Variants in BAIAP2L1 observed in about 807,000 individuals in gnomAD.
BAIAP2L1 encodes BAR/IMD domain-containing adapter protein 2-like 1.
BAIAP2L1 carries 35 observed loss-of-function variants against 66.3 expected under a neutral mutation model. The observed-to-expected ratio is 0.53, with a 90% CI of 0.40 to 0.70. The LOEUF (loss-of-function observed/expected upper bound fraction) is 0.70, where lower values mean the gene tolerates loss of function less well. Ranked by LOEUF, BAIAP2L1 falls within the 30% of genes least tolerant of loss-of-function variation. The pLI, the probability that BAIAP2L1 is intolerant of heterozygous loss-of-function variation, is 0.00. For synonymous variants in BAIAP2L1, 269 were observed against 248.7 expected, an observed-to-expected ratio of 1.08 and a Z score of -0.77; for missense variants, 622 against 656.9, an observed-to-expected ratio of 0.95 and a Z score of 0.58.
chr7:98,391,265 C>T (rs77001712), intron 1 of BAIAP2L1, among the ~76,000 whole-genome samples: 5,963 of 152,260 alleles, frequency 0.039, 169 homozygotes, highest in Middle Eastern at 0.061. Flanking sequence ...ATCTATTCTG[C>T]TCCCTGGTTT....
At chr7:98,311,802 A>C (rs755302393) in intron 8 of BAIAP2L1, among the ~76,000 whole-genome samples, 11 of 152,084 alleles carry the variant, frequency 7.2e-5, no homozygotes, top group Non-Finnish European at 1.6e-4. Context: ...GCTACTGAGG[A>C]GGCTGAGGCA....
chr7:98,307,563 G>A, intron 10 of BAIAP2L1, 126 bp downstream of exon 10: 1 of 1,486,898 alleles, frequency 6.7e-7, no homozygotes. Context: ...AACTAAACTA[G>A]AACTAAACCA....
At chr7:98,298,505 C>T (rs930408995) in intron 12 of BAIAP2L1, among the ~76,000 whole-genome samples, 6 of 151,772 alleles carry the variant, frequency 4.0e-5, no homozygotes, top group Non-Finnish European at 7.4e-5. Flanking sequence ...CCCAGCTACT[C>T]GGGAGGCTGA....
intron 1 of BAIAP2L1, among the ~76,000 whole-genome samples, chr7:98,368,448 C>T (rs960811400): frequency 1.1e-4 from 16 of 151,578 alleles, no homozygotes; most frequent in Non-Finnish European, 1.8e-4. Context: ...ACAAAAGAAT[C>T]ATGGGAGGCC....
intron 12 of BAIAP2L1, among the ~76,000 whole-genome samples, chr7:98,295,436 C>T (rs1800151590): frequency 6.6e-6 from 1 of 152,200 alleles, no homozygotes; most frequent in Admixed American, 6.5e-5. Context: ...GCGGGGCACT[C>T]AACGCTTCCC....
intron 3 of BAIAP2L1, among the ~76,000 whole-genome samples, chr7:98,348,387 CA>C (rs1021205068): frequency 1.6e-4 from 25 of 151,762 alleles, no homozygotes; most frequent in African/African-American, 5.8e-4. Flanking sequence ...GGCAACATGA[CA>C]AAACCCCATC....
intron 2 of BAIAP2L1, chr7:98,355,423 G>C: frequency 2.4e-6 from 1 of 413,428 alleles, no homozygotes; most frequent in South Asian, 2.9e-5. Context: ...GTTTCAGAGT[G>C]GATGCGTTCC....
intron 11 of BAIAP2L1, among the ~76,000 whole-genome samples, chr7:98,304,998 C>T (rs929133114): frequency 4.7e-5 from 7 of 148,228 alleles, no homozygotes; most frequent in South Asian, 2.2e-4. Flanking sequence ...CCCAAGTAGC[C>T]GGGATTACAG....
chr7:98,384,175 A>G (rs549684102), intron 1 of BAIAP2L1, among the ~76,000 whole-genome samples: 4 of 152,124 alleles, frequency 2.6e-5, no homozygotes, highest in African/African-American at 7.2e-5. Flanking sequence ...AAAAAAAAGA[A>G]AGAGCTCCAG....
intron 1 of BAIAP2L1, among the ~76,000 whole-genome samples, chr7:98,368,668 T>C (rs1178645751): frequency 6.6e-6 from 1 of 152,120 alleles, no homozygotes. Flanking sequence ...TCTAGCCTGG[T>C]GACAGAGCAA....
chr7:98,302,556 A>C (rs534827548), intron 12 of BAIAP2L1, among the ~76,000 whole-genome samples: 4 of 152,338 alleles, frequency 2.6e-5, no homozygotes, highest in Non-Finnish European at 5.9e-5. Flanking sequence ...CTGAGGTCTA[A>C]CTACCAATTT....
chr7:98,331,507 C>T (rs1277837707), intron 3 of BAIAP2L1, among the ~76,000 whole-genome samples: 1 of 120,644 alleles, frequency 8.3e-6, no homozygotes, highest in Non-Finnish European at 1.7e-5. Context: ...TCACTCTTGT[C>T]GTCCAGGCTG....
rs529507278 is a variant in BAIAP2L1, at chr7:98,326,491, C to T, written c.215-6193G>A. 2.3e-3 allele frequency among the ~76,000 whole-genome samples: 345 copies of T among 152,248 alleles called. 4 individuals are homozygous for T. Among genetic ancestry groups the T allele is most frequent in the South Asian group, 0.019 (90 of 4,822 alleles). On this transcript the variant is annotated intron_variant, in intron 3 of 13. Transcript: ENST00000005260. ...CTAACTAACTAACTTAACTAACTAG[C>T]GGGTATGCCACAAGAGCCGGCTTGA...
intron 1 of BAIAP2L1, among the ~76,000 whole-genome samples, chr7:98,367,058 ATT>A (rs71292948): frequency 1.1e-4 from 16 of 144,500 alleles, no homozygotes; most frequent in South Asian, 2.3e-4. Flanking sequence ...AGGTAATTAA[ATT>A]TTTTTTTTTT....
At chr7:98,353,789 G>A (rs184092230) in intron 3 of BAIAP2L1, among the ~76,000 whole-genome samples, 336 of 148,756 alleles carry the variant, frequency 2.3e-3, no homozygotes, top group Non-Finnish European at 3.8e-3. Context: ...GCGAAACCCC[G>A]TCTCTACTAA....
rs1286714361 is a variant in BAIAP2L1, at chr7:98,315,585, T to G, written c.514A>C (p.Ser172Arg). 6.8e-7 allele frequency: 1 copy of G among 1,472,030 alleles called. No homozygotes were observed. Among genetic ancestry groups the G allele is most frequent in the Non-Finnish European group, 9.1e-7 (1 of 1,101,846 alleles). The allele number at this position is 1,472,030 out of a possible 1,614,324, so 91.2% of individuals were successfully genotyped here. Residue 172 changes from serine (S) to arginine (R), a missense_variant, in exon 7 of 14, where the codon AGT becomes CGT. Physicochemically the swap from Ser to Arg is moderately radical, Grantham distance 110. Coordinates refer to ENST00000005260, the MANE Select transcript of BAIAP2L1 (RefSeq NM_018842.5). ...TCTGCAATGAATTTCTGGATTTCAC[T>G]CTGACGAGAAGTAACGGTCTCCACA... ...EYVETVTSRQ[S>R]EIQKFIADGC... is the part of the protein sequence containing the mutation.
intron 1 of BAIAP2L1, among the ~76,000 whole-genome samples, chr7:98,379,233 C>T (rs976522935): frequency 6.6e-6 from 1 of 152,132 alleles, no homozygotes; most frequent in Non-Finnish European, 1.5e-5. Flanking sequence ...AAGAACACTG[C>T]CTGGATCATC....
intron 3 of BAIAP2L1, among the ~76,000 whole-genome samples, chr7:98,327,145 G>A (rs941204047): frequency 1.1e-4 from 16 of 152,154 alleles, no homozygotes; most frequent in Non-Finnish European, 1.8e-4. Flanking sequence ...TGGATCACCT[G>A]AGGTCAGGAG....
At position 98,292,921 on chromosome 7, in the gene BAIAP2L1, A is replaced by C; in HGVS notation, c.*600T>G. 1 of 1,394,500 alleles carries C rather than the reference A, an allele frequency of 7.2e-7. No homozygotes were observed. Among genetic ancestry groups the C allele is most frequent in the Non-Finnish European group, 9.3e-7 (1 of 1,076,056 alleles). The allele number at this position is 1,394,500 out of a possible 1,614,324, so 86.4% of individuals were successfully genotyped here. On this transcript the variant is annotated 3_prime_UTR_variant, in exon 14 of 14. Transcript: ENST00000005260. ...CGTGTGGCTGTGATAAGGGCAGGCA[A>C]AGCGTCTTAGCACTCTACAGCTCTG...
Sources: allele counts gnomAD v4.1 joint callset (sites outside exome capture counted in the v4.1 genomes callset), GRCh38; gene constraint gnomAD v4.1.1; transcripts MANE v1.5; gene names NCBI Gene and HGNC (gene_info 2026-07-23, HGNC 2026-07-21).